PLCB1: variants seen among roughly 807,000 people sequenced by gnomAD.
PLCB1 encodes phospholipase C beta 1.
PLCB1 carries 46 observed loss-of-function variants against 161.8 expected under a neutral mutation model. The ratio of observed to expected loss-of-function variants is 0.28; its 90% CI spans 0.22 to 0.36. The LOEUF (loss-of-function observed/expected upper bound fraction) is 0.36. Ranked by LOEUF, PLCB1 falls within the 10% of genes least tolerant of loss-of-function variation. PLCB1 has a pLI of 1.00. For synonymous variants in PLCB1, 517 were observed against 503.7 expected (o/e 1.03, Z -0.35); for missense variants, 1,016 against 1,472.5 (o/e 0.69, Z 5.07).
At chr20:8,216,729 T>C (rs890300861) in intron 2 of PLCB1, among the ~76,000 whole-genome samples, 4 of 152,046 alleles carry the variant, frequency 2.6e-5, no homozygotes, top group African/African-American at 9.7e-5. Flanking sequence ...TACACAAAAA[T>C]GATATAGCAT....
chr20:8,822,366 G>A (rs1160742514), intron 31 of PLCB1, among the ~76,000 whole-genome samples: 1 of 152,264 alleles, frequency 6.6e-6, no homozygotes, highest in East Asian at 1.9e-4. Context: ...TAAGAATACA[G>A]AGTGAACAGG....
chr20:8,148,635 G>T (rs2051478574), intron 1 of PLCB1, among the ~76,000 whole-genome samples: 1 of 152,086 alleles, frequency 6.6e-6, no homozygotes, highest in African/African-American at 2.4e-5. Flanking sequence ...TAGCCAAAAG[G>T]TGGAAACAAC....
intron 3 of PLCB1, among the ~76,000 whole-genome samples, chr20:8,489,254 T>A (rs747438526): frequency 6.6e-6 from 1 of 152,130 alleles, no homozygotes; most frequent in African/African-American, 2.4e-5. Context: ...CAGATTTGCC[T>A]AGAGGATGGT....
At chr20:8,472,125 A>G (rs1982078811) in intron 3 of PLCB1, among the ~76,000 whole-genome samples, 1 of 152,182 alleles carries the variant, frequency 6.6e-6, no homozygotes, top group Non-Finnish European at 1.5e-5. Flanking sequence ...CAATGTGTCC[A>G]TTAGGAAATT....
intron 2 of PLCB1, among the ~76,000 whole-genome samples, chr20:8,177,583 C>G (rs528107847): frequency 6.6e-6 from 1 of 152,032 alleles, no homozygotes; most frequent in Non-Finnish European, 1.5e-5. Context: ...ACTTCACCCT[C>G]TGTTTATGAA....
At chr20:8,736,298 T>C (rs781639405) in intron 19 of PLCB1, among the ~76,000 whole-genome samples, 12 of 152,214 alleles carry the variant, frequency 7.9e-5, no homozygotes, top group Non-Finnish European at 1.8e-4. Flanking sequence ...CATTTATAAA[T>C]ACGTAATATT....
At chr20:8,256,409 C>G (rs1981419561) in intron 2 of PLCB1, among the ~76,000 whole-genome samples, 1 of 152,018 alleles carries the variant, frequency 6.6e-6, no homozygotes, top group South Asian at 2.1e-4. Context: ...CTACCCTGGT[C>G]CTCTCTAATC....
chr20:8,792,672 G>A (rs868056620), intron 31 of PLCB1: 1 of 470,240 alleles, frequency 2.1e-6, no homozygotes. Context: ...GGTTGCCCAT[G>A]AAGATTGTTG....
In PLCB1 at chr20:8,657,192, A is replaced by T; in HGVS notation, c.603A>T (p.Ser201=). The change falls in exon 8 of 32, where the codon TCA becomes TCT. Residue 201 remains serine (S), a synonymous_variant. Coordinates refer to ENST00000338037, the MANE Select transcript of PLCB1 (RefSeq NM_015192.4). ...GTTGTTTTATTTCCCAGAATGATTC[A>T]ATACCTCAAGAAGATTTCACTCCAG... ...ACSLPSSRND[S]IPQEDFTPEV... The T allele has an allele frequency of 6.3e-7, 1 of 1,596,012 alleles. No homozygotes were observed. The highest frequency in any genetic ancestry group is 8.6e-7 in the Non-Finnish European group (1 of 1,164,012).
intron 9 of PLCB1, among the ~76,000 whole-genome samples, chr20:8,666,466 T>C (rs930915755): frequency 5.3e-5 from 8 of 152,320 alleles, no homozygotes; most frequent in Non-Finnish European, 1.0e-4. Flanking sequence ...CCTGCCAACC[T>C]ATCACGTTAT....
chr20:8,294,298 T>C (rs996980775), intron 2 of PLCB1, among the ~76,000 whole-genome samples: 4 of 152,054 alleles, frequency 2.6e-5, no homozygotes, highest in Non-Finnish European at 5.9e-5. Context: ...CATTCTAAAC[T>C]TCATCATTAA....
At chr20:8,664,431 T>G (rs1989759776) in intron 9 of PLCB1, among the ~76,000 whole-genome samples, 1 of 152,120 alleles carries the variant, frequency 6.6e-6, no homozygotes, top group African/African-American at 2.4e-5. Context: ...AAGCCAATAA[T>G]GATTGTATCA....
intron 3 of PLCB1, among the ~76,000 whole-genome samples, chr20:8,385,661 G>T (rs1462169946): frequency 6.6e-6 from 1 of 152,218 alleles, no homozygotes; most frequent in Non-Finnish European, 1.5e-5. Context: ...TCACGAGTGG[G>T]ATCTTCCGAT....
chr20:8,843,178 C>G (rs1986571551), intron 31 of PLCB1, among the ~76,000 whole-genome samples: 1 of 152,140 alleles, frequency 6.6e-6, no homozygotes. Flanking sequence ...AGAAAACCTA[C>G]AAAATCTGGG....
chr20:8,795,725 A>C (rs1454110794), intron 31 of PLCB1, among the ~76,000 whole-genome samples: 4 of 152,262 alleles, frequency 2.6e-5, no homozygotes, highest in South Asian at 2.1e-4. Flanking sequence ...AAATACAAAA[A>C]TTAGCCAGGT....
chr20:8,664,673 A>C (rs1989765039), intron 9 of PLCB1, among the ~76,000 whole-genome samples: 1 of 152,178 alleles, frequency 6.6e-6, no homozygotes, highest in Non-Finnish European at 1.5e-5. Context: ...CATATAAGCA[A>C]AAAGTCAAGG....
intron 2 of PLCB1, among the ~76,000 whole-genome samples, chr20:8,191,479 A>G (rs2051970565): frequency 6.6e-6 from 1 of 152,006 alleles, no homozygotes; most frequent in East Asian, 1.9e-4. Flanking sequence ...CTTCACCTTA[A>G]ATAATTCAGT....
At chr20:8,371,040 C>A in intron 2 of PLCB1, 2 of 205,712 alleles carry the variant, frequency 9.7e-6, no homozygotes, top group Non-Finnish European at 2.0e-5. Flanking sequence ...ACCGACATAC[C>A]CTCATACCCT....
At chr20:8,709,281 A>G (rs1230457235) in intron 12 of PLCB1, among the ~76,000 whole-genome samples, 1 of 152,232 alleles carries the variant, frequency 6.6e-6, no homozygotes, top group Non-Finnish European at 1.5e-5. Flanking sequence ...AATAGCCTGC[A>G]TGTATTGCTG....
Sources: allele counts gnomAD v4.1 joint callset (sites outside exome capture counted in the v4.1 genomes callset), GRCh38; gene constraint gnomAD v4.1.1; transcripts MANE v1.5; gene names NCBI Gene and HGNC (gene_info 2026-07-23, HGNC 2026-07-21).